SEPTIN9: variants seen among roughly 807,000 people sequenced by gnomAD.
SEPTIN9 encodes septin 9.
A neutral mutation model predicts 56.6 loss-of-function variants in SEPTIN9; 13 were observed. The observed-to-expected ratio is 0.23, with a 90% confidence interval of 0.15 to 0.37. SEPTIN9 has a LOEUF of 0.37. SEPTIN9 is among the 10% of genes least tolerant of loss of function. The pLI is 1.00. For synonymous variants in SEPTIN9, 332 were observed against 334.1 expected (o/e 0.99, Z 0.07); for missense variants, 650 against 823.1 (o/e 0.79, Z 2.57).
chr17:77,391,009 G>A (rs1436029209), intron 2 of SEPTIN9, among the ~76,000 whole-genome samples: 1 of 152,214 alleles, frequency 6.6e-6, no homozygotes, highest in Non-Finnish European at 1.5e-5. Context: ...CGGCTGATGG[G>A]ACCGAGCAGG....
chr17:77,399,100 G>A (rs1044497321), intron 2 of SEPTIN9, among the ~76,000 whole-genome samples: 11 of 152,210 alleles, frequency 7.2e-5, no homozygotes, highest in African/African-American at 2.7e-4. Flanking sequence ...GCCAGCTCCG[G>A]TTCTAGAATG....
chr17:77,409,980 G>C (rs917881955), intron 3 of SEPTIN9, among the ~76,000 whole-genome samples: 2 of 152,200 alleles, frequency 1.3e-5, no homozygotes, highest in Non-Finnish European at 2.9e-5. Flanking sequence ...ATTTCTGAGA[G>C]CTGCAGGGAG....
In SEPTIN9 at chr17:77,315,765, A is replaced by G. The variant is rs2032680857; in HGVS notation, c.76+8568A>G. On this transcript the variant is annotated intron_variant, in intron 2 of 11. Transcript: ENST00000427177. Reference sequence around the variant, plus strand: ...CTGCCAGGCCCAGCCTGTGCCGCTGAGCCCCACTTTGCAATTAAGAGGAGC... The same window carrying G: ...CTGCCAGGCCCAGCCTGTGCCGCTGGGCCCCACTTTGCAATTAAGAGGAGC... 2.6e-5 allele frequency among the ~76,000 whole-genome samples: 4 copies of G among 152,316 alleles called. No individual in the cohort carries two copies. In the South Asian group the frequency reaches 8.3e-4, roughly 32 times the overall value.
At chr17:77,332,200 C>T (rs573082851) in intron 2 of SEPTIN9, among the ~76,000 whole-genome samples, 1 of 152,212 alleles carries the variant, frequency 6.6e-6, no homozygotes, top group East Asian at 1.9e-4. Context: ...TTGCTTGAAC[C>T]TGGGAGGTTG....
chr17:77,423,195 C>G (rs555562012), intron 3 of SEPTIN9, among the ~76,000 whole-genome samples: 1 of 152,254 alleles, frequency 6.6e-6, no homozygotes, highest in African/African-American at 2.4e-5. Context: ...ACCACCACAC[C>G]TGGCTAATTT....
At position 77,435,897 on chromosome 17, in the gene SEPTIN9, T is replaced by C. The variant is rs1568067611; in HGVS notation, c.721+33194T>C. 6.6e-6 allele frequency among the ~76,000 whole-genome samples: 1 copy of C among 152,190 alleles called. No homozygotes were observed. The highest frequency in any genetic ancestry group is 1.5e-5 in the Non-Finnish European group (1 of 68,034). ...CTGTGTAATCCCTAAAGCACGGACTTCTTAGGGGCTTCCATTCCTCCACCT... is the reference window on the plus strand; with the variant it reads ...CTGTGTAATCCCTAAAGCACGGACTCCTTAGGGGCTTCCATTCCTCCACCT... On this transcript the variant is annotated intron_variant, in intron 3 of 11. Transcript: ENST00000427177. The surrounding 1 kb of genome is among the most constrained non-coding windows in gnomAD (Gnocchi z 4.5).
Position 77,482,177 on chromosome 17 carries a change from T to C in SEPTIN9, c.755T>C (p.Met252Thr). 1 of 1,602,296 alleles carries C rather than the reference T, an allele frequency of 6.2e-7. No homozygotes were observed. Among genetic ancestry groups the C allele is most frequent in the Admixed American group, 1.7e-5 (1 of 57,856 alleles). ...GCGGCTCCCAGCTGCGTTGGCGACA[T>C]GGCCGACACCCCCAGAGATGCCGGG... ...TEAAPSCVGD[M>T]ADTPRDAGLK... Residue 252 changes from methionine (M) to threonine (T), a missense_variant, in exon 4 of 12, where the codon ATG (methionine) becomes ACG (threonine). By Grantham distance (81) the Met-to-Thr change is moderately conservative. This residue lies in a region of SEPTIN9 where 333 missense variants were observed against 494.0 expected (regional missense o/e 0.67). Coordinates refer to ENST00000427177, the MANE Select transcript of SEPTIN9 (RefSeq NM_001113491.2).
rs2032766143 is a variant in SEPTIN9, at chr17:77,317,897, A to G, written c.76+10700A>G. On this transcript the variant is annotated intron_variant, in intron 2 of 11. Coordinates refer to ENST00000427177, the MANE Select transcript of SEPTIN9 (RefSeq NM_001113491.2). This position sits in a 1 kb window ranked among gnomAD's most constrained non-coding sequence, Gnocchi z 4.2. The stretch of plus-strand genomic sequence containing the variant: ...GAAACCCCGTTTCTACTAAAAATAC[A>G]AAAATTAGCCGGACACGGTGGCAGG... 6.6e-6 allele frequency among the ~76,000 whole-genome samples: 1 copy of G among 152,036 alleles called. No individual in the cohort carries two copies. The highest frequency in any genetic ancestry group is 1.5e-5 in the Non-Finnish European group (1 of 68,012).
At chr17:77,395,515 C>T (rs931715617) in intron 2 of SEPTIN9, among the ~76,000 whole-genome samples, 57 of 133,788 alleles carry the variant, frequency 4.3e-4, no homozygotes, top group African/African-American at 1.5e-3. Flanking sequence ...GGCGACAGAG[C>T]GAGACTGTCT....
In SEPTIN9 at chr17:77,475,518, C is replaced by A. The variant is rs777639247; in HGVS notation, c.722-6626C>A. 2.5e-6 allele frequency: 4 copies of A among 1,610,886 alleles called. No individual in the cohort carries two copies. The highest frequency in any genetic ancestry group is 3.4e-6 in the Non-Finnish European group (4 of 1,179,210). The stretch of plus-strand genomic sequence containing the variant: ...TAGTTTATAGGACCTGAAGTGCCCC[C>A]ATGGGCTCAAGTTTCTGGGAAGGCC... On this transcript the variant is annotated intron_variant, in intron 3 of 11. Transcript: ENST00000427177. This position sits in a 1 kb window ranked among gnomAD's most constrained non-coding sequence, Gnocchi z 4.6.
chr17:77,283,385 C>T (rs936228696), intron 1 of SEPTIN9, among the ~76,000 whole-genome samples: 2 of 151,934 alleles, frequency 1.3e-5, no homozygotes, highest in Middle Eastern at 3.4e-3. Context: ...CACTGTGTTG[C>T]AGTTGTATGG....
In SEPTIN9 at chr17:77,471,982, G is replaced by A. The variant is rs544296713; in HGVS notation, c.722-10162G>A. 6.6e-5 allele frequency among the ~76,000 whole-genome samples: 10 copies of A among 152,174 alleles called. No individual in the cohort carries two copies. The South Asian group carries it at 1.2e-3, about 19-fold the overall frequency. On this transcript the variant is annotated intron_variant, in intron 3 of 11. Coordinates refer to ENST00000427177, the MANE Select transcript of SEPTIN9 (RefSeq NM_001113491.2). Reference sequence around the variant, plus strand: ...AAAATAGCCCCCCCCACCACACACCGCACCAGAAGTCAGAGGATTCATCCT... The same window carrying A: ...AAAATAGCCCCCCCCACCACACACCACACCAGAAGTCAGAGGATTCATCCT...
rs1372986101 is a variant in SEPTIN9 at position 77,367,554 on chromosome 17, G to A, written c.77-34505G>A. On this transcript the variant is annotated intron_variant, in intron 2 of 11. Coordinates refer to ENST00000427177, the MANE Select transcript of SEPTIN9 (RefSeq NM_001113491.2). The surrounding 1 kb of genome is among the most constrained non-coding windows in gnomAD (Gnocchi z 4.5). ...GTGATGGCTGGGCGCAGTGGCTCAC[G>A]TCTGTAATCCCAGCACTTTGGGAGG... Among the ~76,000 whole-genome samples, 5 of 152,130 alleles carry A rather than the reference G, an allele frequency of 3.3e-5. No homozygotes were observed. Among genetic ancestry groups the A allele is most frequent in the African/African-American group, 7.2e-5 (3 of 41,410 alleles).
chr17:77,348,294 G>GTTTTTTTTTTTTTTTTTTTT (rs367934946), intron 2 of SEPTIN9, among the ~76,000 whole-genome samples: 2 of 89,752 alleles, frequency 2.2e-5, no homozygotes, highest in Non-Finnish European at 2.0e-5. Context: ...TTTAATTTAT[G>GTTTTTTTTTTTTTTTTTTTT]TTTTTTTTTT....
At chr17:77,455,055 T>G (rs76251906) in intron 3 of SEPTIN9, among the ~76,000 whole-genome samples, 2,766 of 152,014 alleles carry the variant, frequency 0.018, 90 homozygotes, top group African/African-American at 0.062. Flanking sequence ...TTTCTTTTTT[T>G]TTTTTCCCTC....
At chr17:77,374,762 G>A (rs1392018200) in intron 2 of SEPTIN9, 1 of 152,386 alleles carries the variant, frequency 6.6e-6, no homozygotes, top group Non-Finnish European at 1.5e-5. Context: ...GGGGAGGCGG[G>A]GCCTCCTGGG....
chr17:77,376,049 TAGAGA>T (rs2034908521), intron 2 of SEPTIN9: 2 of 967,228 alleles, frequency 2.1e-6, no homozygotes, highest in South Asian at 9.6e-5. Context: ...CGAATCAGGG[TAGAGA>T]AAAGTCACCA....
intron 2 of SEPTIN9, among the ~76,000 whole-genome samples, chr17:77,390,784 A>G (rs1416588453): frequency 6.6e-6 from 1 of 152,164 alleles, no homozygotes; most frequent in African/African-American, 2.4e-5. Flanking sequence ...TGGCTCCCTG[A>G]CCCTGGGTGT....
At chr17:77,406,227 A>G (rs927750578) in intron 3 of SEPTIN9, among the ~76,000 whole-genome samples, 2 of 151,610 alleles carry the variant, frequency 1.3e-5, no homozygotes, top group African/African-American at 4.9e-5. Flanking sequence ...CTCAGCTCAC[A>G]CCTCTCTCCT....
Sources: allele counts gnomAD v4.1 joint callset (sites outside exome capture counted in the v4.1 genomes callset), GRCh38; gene constraint gnomAD v4.1.1; regional missense constraint gnomAD v4.1.1; non-coding constraint Gnocchi (gnomAD v3.1); transcripts MANE v1.5; gene names NCBI Gene and HGNC (gene_info 2026-07-23, HGNC 2026-07-21).